SDK1: variants seen among roughly 807,000 people sequenced by gnomAD.
SDK1 encodes protein sidekick-1.
A neutral mutation model predicts 245.5 loss-of-function variants in SDK1; 157 were observed. The observed-to-expected ratio is 0.64, with a 90% CI of 0.56 to 0.73. SDK1 has a LOEUF of 0.73. Ranked by LOEUF, SDK1 falls within the 30% of genes least tolerant of loss-of-function variation. SDK1 has a pLI of 0.00. For missense variants in SDK1, 3,583 were observed against 3,002.3 expected, an observed-to-expected ratio of 1.19 and a Z score of -4.52; for synonymous variants, 1,647 against 1,278.5, an observed-to-expected ratio of 1.29 and a Z score of -6.15.
chr7:3,750,927 T>C (rs1779756158), intron 4 of SDK1, among the ~76,000 whole-genome samples: 3 of 152,236 alleles, frequency 2.0e-5, no homozygotes, highest in Admixed American at 6.5e-5. Context: ...AAGAGGTATA[T>C]GTCAAGCCTG....
At chr7:3,899,636 G>A (rs1046709063) in intron 5 of SDK1, among the ~76,000 whole-genome samples, 4 of 152,306 alleles carry the variant, frequency 2.6e-5, no homozygotes, top group Middle Eastern at 3.4e-3. Context: ...TCCCAGGCCT[G>A]CTCAGCCAGG....
chr7:3,867,824 A>G (rs961718408), intron 5 of SDK1, among the ~76,000 whole-genome samples: 1 of 152,230 alleles, frequency 6.6e-6, no homozygotes, highest in Non-Finnish European at 1.5e-5. Context: ...TTCTTTAGAA[A>G]TAACTATGTT....
rs182918103 is a variant in SDK1, at chr7:4,136,322, G to T, written c.4228+3899G>T. On this transcript the variant is annotated intron_variant, in intron 28 of 44. Transcript: ENST00000404826. ...CAGGAAGACAATTCCTGCAAATTCA[G>T]ATGGGTGTTCACAGGGGAGAAAGCA... 5.9e-5 allele frequency among the ~76,000 whole-genome samples: 9 copies of T among 152,328 alleles called. No homozygotes were observed. The East Asian group carries it at 1.7e-3, about 29-fold the overall frequency.
intron 1 of SDK1, among the ~76,000 whole-genome samples, chr7:3,312,137 G>A (rs1283248125): frequency 1.3e-5 from 2 of 152,166 alleles, no homozygotes; most frequent in Admixed American, 1.3e-4. Context: ...CTCCAAGATT[G>A]CACCTCATAA....
chr7:4,079,651 G>A, intron 22 of SDK1, 67 bp downstream of exon 22: 3 of 1,594,468 alleles, frequency 1.9e-6, no homozygotes, highest in African/African-American at 1.3e-5. Flanking sequence ...TGAATGAGTG[G>A]TACCCCTGCA....
Position 3,564,384 on chromosome 7 carries a change from G to C in SDK1, c.299-54696G>C, listed in dbSNP as rs549755888. On this transcript the variant is annotated intron_variant, in intron 1 of 44. Coordinates refer to ENST00000404826, the MANE Select transcript of SDK1 (RefSeq NM_152744.4). ...GCACCTGTAGTCCCAGCTGCTTTGG[G>C]AGGCCGAGACAGGATAATTGCTTGA... Among the ~76,000 whole-genome samples the C allele has an allele frequency of 2.6e-3, 395 of 152,202 alleles. 2 individuals are homozygous for C. Among genetic ancestry groups the C allele is most frequent in the Middle Eastern group, 6.8e-3 (2 of 294 alleles).
At chr7:3,712,496 T>C (rs952752920) in intron 4 of SDK1, among the ~76,000 whole-genome samples, 2 of 152,216 alleles carry the variant, frequency 1.3e-5, no homozygotes, top group African/African-American at 4.8e-5. Flanking sequence ...ATAAATGTAA[T>C]GCACTTGAAT....
At chr7:3,634,862 C>T (rs1583252573) in intron 2 of SDK1, among the ~76,000 whole-genome samples, 1 of 152,004 alleles carries the variant, frequency 6.6e-6, no homozygotes, top group Non-Finnish European at 1.5e-5. Context: ...TATTTTTGGG[C>T]GTTAGTACGG....
chr7:3,803,966 A>T (rs1253249224), intron 4 of SDK1, among the ~76,000 whole-genome samples: 1 of 151,948 alleles, frequency 6.6e-6, no homozygotes, highest in African/African-American at 2.4e-5. Flanking sequence ...GGGTTTCACC[A>T]TGTTAGCCAG....
intron 1 of SDK1, among the ~76,000 whole-genome samples, chr7:3,356,013 C>T (rs1780783899): frequency 6.6e-6 from 1 of 152,288 alleles, no homozygotes; most frequent in Admixed American, 6.5e-5. Flanking sequence ...CAAATAGACA[C>T]CTTATAGTGC....
At chr7:3,911,814 AG>A (rs1779175179) in intron 5 of SDK1, among the ~76,000 whole-genome samples, 1 of 152,202 alleles carries the variant, frequency 6.6e-6, no homozygotes, top group South Asian at 2.1e-4. Context: ...GAGGAGCTTA[AG>A]GGGAAATTAT....
intron 1 of SDK1, among the ~76,000 whole-genome samples, chr7:3,575,520 G>A (rs1045968622): frequency 7.2e-5 from 11 of 151,996 alleles, no homozygotes; most frequent in Admixed American, 4.6e-4. Context: ...TAACATTTTC[G>A]GGTTGGGGTG....
At chr7:3,515,379 T>C (rs544223290) in intron 1 of SDK1, among the ~76,000 whole-genome samples, 2 of 152,228 alleles carry the variant, frequency 1.3e-5, no homozygotes, top group African/African-American at 2.4e-5. Context: ...TACATCCTTC[T>C]GAATTGCTAA....
chr7:3,785,665 C>T (rs1436830500), intron 4 of SDK1, among the ~76,000 whole-genome samples: 1 of 151,958 alleles, frequency 6.6e-6, no homozygotes, highest in African/African-American at 2.4e-5. Context: ...GAAATTTGAA[C>T]ATATCTGGTA....
chr7:4,044,981 A>G lies in SDK1; in HGVS notation c.2603-4367A>G, dbSNP rs141897161. Among the ~76,000 whole-genome samples the G allele has an allele frequency of 2.4e-3, 370 of 152,060 alleles. 2 individuals are homozygous for G. Among genetic ancestry groups the G allele is most frequent in the African/African-American group, 8.4e-3 (347 of 41,470 alleles). On this transcript the variant is annotated intron_variant, in intron 17 of 44. Transcript: ENST00000404826. ...AAGCACTGCTGTTTTTTCTTCTTAT[A>G]TCTTTGCCTATTTCAGAACATCATA... is the stretch of plus-strand genomic sequence containing the variant.
At chr7:3,519,655 T>A (rs967382512) in intron 1 of SDK1, among the ~76,000 whole-genome samples, 1 of 152,148 alleles carries the variant, frequency 6.6e-6, no homozygotes, top group Non-Finnish European at 1.5e-5. Flanking sequence ...TGTCCAGTTT[T>A]AGTCTGTCTC....
chr7:3,934,746 T>G (rs2128118818), intron 5 of SDK1, among the ~76,000 whole-genome samples: 1 of 152,294 alleles, frequency 6.6e-6, no homozygotes, highest in East Asian at 1.9e-4. Flanking sequence ...TGTCCTACTT[T>G]CCCCAGAAGT....
At chr7:4,244,571 C>G (rs1037293142) in intron 43 of SDK1, among the ~76,000 whole-genome samples, 12 of 152,244 alleles carry the variant, frequency 7.9e-5, no homozygotes, top group African/African-American at 2.7e-4. Flanking sequence ...TACTCATTTT[C>G]TATCGCTGCA....
intron 5 of SDK1, among the ~76,000 whole-genome samples, chr7:3,941,904 ATTC>A: frequency 7.6e-6 from 1 of 131,370 alleles, no homozygotes; most frequent in Non-Finnish European, 1.6e-5. Flanking sequence ...ACAAGACTTC[ATTC>A]TTTTTTTTTT....
Sources: allele counts gnomAD v4.1 joint callset (sites outside exome capture counted in the v4.1 genomes callset), GRCh38; gene constraint gnomAD v4.1.1; transcripts MANE v1.5; gene names NCBI Gene and HGNC (gene_info 2026-07-23, HGNC 2026-07-21).